DPP6: variants seen among roughly 807,000 people sequenced by gnomAD.
DPP6 encodes dipeptidyl peptidase like 6.
A neutral mutation model predicts 122.6 loss-of-function variants in DPP6; 69 were observed. The observed-to-expected ratio is 0.56, with a 90% CI of 0.46 to 0.69. The LOEUF (loss-of-function observed/expected upper bound fraction) is 0.69, where lower values mean the gene tolerates loss of function less well. Ranked by LOEUF, DPP6 falls within the 30% of genes least tolerant of loss-of-function variation. The probability of loss-of-function intolerance (pLI) is 0.00; values close to 1 mark genes in which losing one functional copy is unlikely to be tolerated. For synonymous variants in DPP6, 418 were observed against 433.1 expected (o/e 0.97, Z 0.43); for missense variants, 928 against 1,116.9 (o/e 0.83, Z 2.41).
chr7:154,428,733 G>T (rs1285168088), intron 1 of DPP6, among the ~76,000 whole-genome samples: 6 of 152,202 alleles, frequency 3.9e-5, no homozygotes, highest in Non-Finnish European at 1.5e-5. Context: ...TGTCCTAAGT[G>T]ATATAACTCA....
At chr7:153,872,972 G>T in the DPP6 span, among the ~76,000 whole-genome samples, 1 of 152,166 alleles carries the variant, frequency 6.6e-6, no homozygotes, top group Non-Finnish European at 1.5e-5. Context: ...AGAAATACCT[G>T]AAGCTGGGCA....
chr7:154,521,329 T>A (rs1299425221), intron 3 of DPP6, among the ~76,000 whole-genome samples: 3 of 152,016 alleles, frequency 2.0e-5, no homozygotes, highest in African/African-American at 7.2e-5. Flanking sequence ...AGTGAAAAAA[T>A]AATTTGCAAA....
chr7:154,051,809 C>A (rs1800344510), upstream of DPP6, among the ~76,000 whole-genome samples: 1 of 150,744 alleles, frequency 6.6e-6, no homozygotes, highest in South Asian at 2.1e-4. Context: ...CGGAGAGAGG[C>A]GAAGGGAAGG....
At chr7:154,426,214 C>T (rs1445551713) in intron 1 of DPP6, among the ~76,000 whole-genome samples, 1 of 152,078 alleles carries the variant, frequency 6.6e-6, no homozygotes, top group Non-Finnish European at 1.5e-5. Flanking sequence ...TTATTCAAGC[C>T]AGAAGTTTGG....
chr7:154,162,637 G>C (rs1797040217), intron 1 of DPP6, among the ~76,000 whole-genome samples: 1 of 152,090 alleles, frequency 6.6e-6, no homozygotes, highest in South Asian at 2.1e-4. Flanking sequence ...CCTGGAATCT[G>C]CATTGCTAAC....
intron 23 of DPP6, among the ~76,000 whole-genome samples, chr7:154,888,364 C>T (rs1806334487): frequency 6.6e-6 from 1 of 152,198 alleles, no homozygotes; most frequent in African/African-American, 2.4e-5. Context: ...GCTGGGATTA[C>T]AGGTATGAGC....
At chr7:154,469,195 A>C (rs1010075958) in intron 2 of DPP6, among the ~76,000 whole-genome samples, 1 of 142,972 alleles carries the variant, frequency 7.0e-6, no homozygotes, top group African/African-American at 3.1e-5. Flanking sequence ...CAACTTTGAG[A>C]AAGTAAAACA....
At chr7:154,550,528 T>G (rs12703367) in intron 4 of DPP6, among the ~76,000 whole-genome samples, 30,654 of 152,124 alleles carry the variant, frequency 0.2, 3,228 homozygotes, top group Middle Eastern at 0.3. Context: ...CTACTTTTAT[T>G]TTATCAATAA....
intron 16 of DPP6, among the ~76,000 whole-genome samples, chr7:154,810,741 C>G (rs1381406723): frequency 6.6e-6 from 1 of 152,026 alleles, no homozygotes; most frequent in East Asian, 1.9e-4. Flanking sequence ...CACACTGGGT[C>G]ACACACACGA....
intron 1 of DPP6, among the ~76,000 whole-genome samples, chr7:153,963,526 C>T (rs1470347005): frequency 3.3e-5 from 5 of 149,834 alleles, no homozygotes; most frequent in Non-Finnish European, 7.4e-5. Flanking sequence ...AGCAGAAGTC[C>T]CCAACCCCTG....
intron 8 of DPP6, among the ~76,000 whole-genome samples, chr7:154,732,643 G>T (rs1842394160): frequency 1.3e-5 from 2 of 152,136 alleles, no homozygotes; most frequent in Admixed American, 6.5e-5. Flanking sequence ...GCCTGGGATG[G>T]CAGGGAAAGT....
intron 7 of DPP6, among the ~76,000 whole-genome samples, chr7:154,678,745 G>A (rs1043335645): frequency 2.0e-5 from 3 of 152,220 alleles, no homozygotes; most frequent in African/African-American, 7.2e-5. Flanking sequence ...AGTAACAAAA[G>A]CTTTGGAGTC....
intron 16 of DPP6, among the ~76,000 whole-genome samples, chr7:154,847,076 A>G (rs925922685): frequency 6.6e-6 from 1 of 152,216 alleles, no homozygotes; most frequent in Non-Finnish European, 1.5e-5. Context: ...GCACAGGTGC[A>G]GAGGATGCTC....
intron 1 of DPP6, among the ~76,000 whole-genome samples, chr7:154,157,467 G>A (rs1436005748): frequency 6.6e-6 from 1 of 152,176 alleles, no homozygotes; most frequent in Non-Finnish European, 1.5e-5. Flanking sequence ...AGTAATGTAT[G>A]CACAACGTGG....
At chr7:153,777,811 T>C in the DPP6 span, among the ~76,000 whole-genome samples, 4 of 140,116 alleles carry the variant, frequency 2.9e-5, 1 homozygote, top group Admixed American at 2.8e-4. Context: ...TATTAAAATC[T>C]TGGTAGTTAA....
intron 10 of DPP6, among the ~76,000 whole-genome samples, chr7:154,775,030 C>T (rs1354552840): frequency 6.6e-6 from 1 of 152,204 alleles, no homozygotes; most frequent in Admixed American, 6.5e-5. Flanking sequence ...GAGCACTAGG[C>T]AGCATCCCTG....
At chr7:154,526,216 T>G (rs1827395460) in intron 3 of DPP6, among the ~76,000 whole-genome samples, 1 of 152,206 alleles carries the variant, frequency 6.6e-6, no homozygotes. Context: ...ACAGTGGTTG[T>G]CTTCTTTATC....
intron 1 of DPP6, among the ~76,000 whole-genome samples, chr7:154,020,098 TCACACACACACAAA>T (rs1798624350): frequency 6.8e-6 from 1 of 148,050 alleles, no homozygotes; most frequent in Non-Finnish European, 1.5e-5. Flanking sequence ...TTCCAGAATT[TCACACACACACAAA>T]CACACACACA....
At chr7:154,811,022 C>G (rs1389468285) in intron 16 of DPP6, among the ~76,000 whole-genome samples, 11 of 152,210 alleles carry the variant, frequency 7.2e-5, no homozygotes, top group Admixed American at 7.2e-4. Flanking sequence ...TTTCCTGAAT[C>G]ATTTAAGATC....
Sources: gnomAD v4.1 joint callset for allele counts (sites outside exome capture counted in the v4.1 genomes callset) on GRCh38, gnomAD v4.1.1 for gene constraint, MANE v1.5 for transcripts, NCBI Gene and HGNC (gene_info 2026-07-23, HGNC 2026-07-21) for gene names.